C2orf92: variants seen among roughly 807,000 people sequenced by gnomAD.
C2orf92 encodes chromosome 2 open reading frame 92.
At chr2:97,688,635 A>G (rs990859088) in intron 3 of C2orf92, among the ~76,000 whole-genome samples, 2 of 152,174 alleles carry the variant, frequency 1.3e-5, no homozygotes, top group Non-Finnish European at 2.9e-5. Context: ...GGCACTAAGT[A>G]TCAGGAGATC....
chr2:97,691,314 T>G (rs1367243886), intron 5 of C2orf92, among the ~76,000 whole-genome samples: 1 of 152,170 alleles, frequency 6.6e-6, no homozygotes, highest in Non-Finnish European at 1.5e-5. Context: ...TGGTGCCTCC[T>G]CCCAAACTGA....
chr2:97,685,224 C>T (rs527709523), intron 3 of C2orf92, among the ~76,000 whole-genome samples: 5 of 151,182 alleles, frequency 3.3e-5, no homozygotes, highest in Admixed American at 6.6e-5. Flanking sequence ...CCACCACGCC[C>T]GGCCTAGAAT....
intron 1 of C2orf92, chr2:97,670,146 A>G (rs1253251587): frequency 1.3e-5 from 3 of 229,286 alleles, no homozygotes; most frequent in South Asian, 1.8e-4. Flanking sequence ...AAGAACCACC[A>G]TATGCTAACT....
chr2:97,702,810 G>A lies in C2orf92; in HGVS notation c.*9G>A, dbSNP rs149826982. Reference sequence around the variant, plus strand: ...GCAGCTCCTGTGTCTAAGCCAGGTCGTGGGGCCGTCAAACCAGGACTTGAA... The same window carrying A: ...GCAGCTCCTGTGTCTAAGCCAGGTCATGGGGCCGTCAAACCAGGACTTGAA... On this transcript the variant is annotated 3_prime_UTR_variant, in exon 8 of 8. Transcript: ENST00000627399. 262 of 398,986 alleles carry A rather than the reference G, an allele frequency of 6.6e-4. 1 individual carries two copies. The highest frequency in any genetic ancestry group is 4.8e-3 in the African/African-American group (236 of 48,738). The allele number at this position is 398,986 out of a possible 1,614,324, so 24.7% of individuals were successfully genotyped here.
intron 3 of C2orf92, among the ~76,000 whole-genome samples, chr2:97,681,021 A>G (rs1178413061): frequency 3.4e-5 from 5 of 146,566 alleles, no homozygotes. Context: ...GCAGGAGAAT[A>G]ACTTGAACCA....
At chr2:97,674,847 C>T (rs929632808) in intron 2 of C2orf92, among the ~76,000 whole-genome samples, 11 of 152,144 alleles carry the variant, frequency 7.2e-5, no homozygotes, top group Admixed American at 3.9e-4. Context: ...GACAGAAACC[C>T]GGTTTGCAAG....
chr2:97,695,731 A>G (rs1353141021), intron 5 of C2orf92, among the ~76,000 whole-genome samples: 1 of 148,002 alleles, frequency 6.8e-6, no homozygotes, highest in Non-Finnish European at 1.5e-5. Context: ...TTTTTCTTTT[A>G]TTTTCTTTCT....
chr2:97,667,872 G>A (rs1447144784), upstream of C2orf92: 1 of 151,990 alleles, frequency 6.6e-6, no homozygotes, highest in East Asian at 1.9e-4. Flanking sequence ...TGTTTTTTTA[G>A]AGAGGGAGAG....
At chr2:97,694,248 CTT>C (rs1175002909) in intron 5 of C2orf92, among the ~76,000 whole-genome samples, 17 of 142,432 alleles carry the variant, frequency 1.2e-4, no homozygotes, top group South Asian at 2.2e-4. Context: ...TTCTTTCTTT[CTT>C]TTTTTTTTTT....
At chr2:97,690,095 C>A (rs1676077345) in intron 4 of C2orf92, among the ~76,000 whole-genome samples, 161 bp from the exon 5 acceptor site, 1 of 152,026 alleles carries the variant, frequency 6.6e-6, no homozygotes, top group East Asian at 1.9e-4. Context: ...CTTGCCACTG[C>A]ACTCCAGCCT....
intron 1 of C2orf92, among the ~76,000 whole-genome samples, chr2:97,673,870 G>A (rs1277867215): frequency 6.6e-6 from 1 of 152,132 alleles, no homozygotes; most frequent in African/African-American, 2.4e-5. Flanking sequence ...CAGTCTCCAG[G>A]AGCATTATGA....
chr2:97,673,202 C>T (rs1463982467), intron 1 of C2orf92, among the ~76,000 whole-genome samples: 1 of 152,136 alleles, frequency 6.6e-6, no homozygotes, highest in Non-Finnish European at 1.5e-5. Flanking sequence ...GGACAGCTTT[C>T]CCCTTTGTGT....
chr2:97,666,224 A>T (rs561416053), upstream of C2orf92, among the ~76,000 whole-genome samples: 4 of 151,622 alleles, frequency 2.6e-5, no homozygotes, highest in Non-Finnish European at 5.9e-5. Context: ...ACTAGCAAGG[A>T]ATGTGCCTTG....
At chr2:97,687,784 G>A (rs1280271418) in intron 3 of C2orf92, among the ~76,000 whole-genome samples, 1 of 150,132 alleles carries the variant, frequency 6.7e-6, no homozygotes, top group East Asian at 2.0e-4. Context: ...TCCTCCCCAC[G>A]GGAGCCATCA....
At chr2:97,673,217 C>T (rs115130079) in intron 1 of C2orf92, among the ~76,000 whole-genome samples, 3,724 of 152,224 alleles carry the variant, frequency 0.024, 51 homozygotes, top group Middle Eastern at 0.068. Flanking sequence ...TTGTGTCTGT[C>T]GGGTCCCAGG....
At chr2:97,694,834 T>C (rs775295565) in intron 5 of C2orf92, among the ~76,000 whole-genome samples, 1 of 152,204 alleles carries the variant, frequency 6.6e-6, no homozygotes, top group African/African-American at 2.4e-5. Flanking sequence ...GGCGGTACCA[T>C]TTGCATTCCT....
chr2:97,695,625 T>A (rs931299266), intron 5 of C2orf92, among the ~76,000 whole-genome samples: 4 of 152,266 alleles, frequency 2.6e-5, no homozygotes, highest in Non-Finnish European at 5.9e-5. Context: ...TCTAGCTTGA[T>A]CTTTTGATTT....
chr2:97,690,681 C>T (rs1676103249), intron 5 of C2orf92, among the ~76,000 whole-genome samples: 1 of 146,522 alleles, frequency 6.8e-6, no homozygotes, highest in African/African-American at 2.5e-5. Context: ...GGGCCTGGCC[C>T]CTCCTTTTCC....
Position 97,698,936 on chromosome 2 carries a change from T to TG in C2orf92, c.404-90_404-89insG. 7.6e-6 allele frequency: 3 copies of TG among 395,998 alleles called. No homozygotes were observed. The Admixed American group carries it at 1.3e-4, about 17-fold the overall frequency. 24.5% of individuals were successfully genotyped at this position (395,998 alleles called of 1,614,324 possible). A position where few individuals can be genotyped will look rare whatever the true frequency, so the allele number is the denominator to read the frequency against. On this transcript the variant is annotated intron_variant, in intron 5 of 7. Transcript: ENST00000627399. Reference sequence around the variant, plus strand: ...CCCAAGTCCTCCCTAACTCCTCACTTTGAGTCTAGAAGAAGCTACTTTTAT... The same window carrying TG: ...CCCAAGTCCTCCCTAACTCCTCACTTGTGAGTCTAGAAGAAGCTACTTTTAT...
Sources: allele counts gnomAD v4.1 joint callset (sites outside exome capture counted in the v4.1 genomes callset), GRCh38; gene constraint gnomAD v4.1.1; transcripts MANE v1.5; gene names NCBI Gene and HGNC (gene_info 2026-07-23, HGNC 2026-07-21).